Variants in TBC1D20 observed in about 807,000 individuals in gnomAD.
TBC1D20 encodes TBC1 domain family member 20.
A neutral mutation model predicts 41.6 loss-of-function variants in TBC1D20; 12 were observed. The ratio of observed to expected loss-of-function variants is 0.29; its 90% CI spans 0.18 to 0.47. The LOEUF (loss-of-function observed/expected upper bound fraction) is 0.47. Ranked by LOEUF, TBC1D20 falls within the 20% of genes least tolerant of loss-of-function variation. The pLI is 1.00. For synonymous variants in TBC1D20, 205 were observed against 204.8 expected (o/e 1.00, Z -0.01); for missense variants, 421 against 517.4 (o/e 0.81, Z 1.81).
At chr20:459,936 TG>T (rs1231719126) in intron 1 of TBC1D20, among the ~76,000 whole-genome samples, 1 of 152,206 alleles carries the variant, frequency 6.6e-6, no homozygotes, top group Non-Finnish European at 1.5e-5. Flanking sequence ...CAAAATCACC[TG>T]GATTAGGGCA....
rs1030896257 is a variant in TBC1D20 at position 435,628 on chromosome 20, T to C, written c.*2958A>G. The C allele has an allele frequency of 1.3e-5, 2 of 153,550 alleles. No individual in the cohort carries two copies. The highest frequency in any genetic ancestry group is 2.9e-5 in the Non-Finnish European group (2 of 68,080). The allele number at this position is 153,550 out of a possible 1,614,324, so 9.5% of individuals were successfully genotyped here. A position where few individuals can be genotyped will look rare whatever the true frequency, so the allele number is the denominator to read the frequency against. On this transcript the variant is annotated 3_prime_UTR_variant, in exon 8 of 8. Coordinates refer to ENST00000354200, the MANE Select transcript of TBC1D20 (RefSeq NM_144628.4). The stretch of plus-strand genomic sequence containing the variant: ...CATGGAGTGGGGGTGCGCCACCCTC[T>C]TGGCACATGGACAAGTTCTCGTTCC...
chr20:454,076 TA>T (rs1171085932), intron 1 of TBC1D20, among the ~76,000 whole-genome samples: 14 of 136,114 alleles, frequency 1.0e-4, no homozygotes, highest in Non-Finnish European at 2.1e-4. Flanking sequence ...CTGTCTTTAC[TA>T]AAAAAATACA....
intron 3 of TBC1D20, among the ~76,000 whole-genome samples, chr20:442,880 G>A (rs1221064470): frequency 2.6e-5 from 4 of 152,090 alleles, no homozygotes; most frequent in Non-Finnish European, 1.5e-5. Context: ...GGTGGATCAC[G>A]AGGTCAGGAG....
rs1051367940 is a variant in TBC1D20 at position 436,472 on chromosome 20, C to A, written c.*2114G>T. The A allele has an allele frequency of 1.3e-5, 2 of 153,188 alleles. No individual in the cohort carries two copies. Among genetic ancestry groups the A allele is most frequent in the African/African-American group, 4.8e-5 (2 of 41,448 alleles). The allele number at this position is 153,188 out of a possible 1,614,324, so 9.5% of individuals were successfully genotyped here. On this transcript the variant is annotated 3_prime_UTR_variant, in exon 8 of 8. Coordinates refer to ENST00000354200, the MANE Select transcript of TBC1D20 (RefSeq NM_144628.4). ...TCTCCTTCCGAGGCCACAACTCAAG[C>A]AAATGCCACTTGCTTCCTAGGATCT...
intron 1 of TBC1D20, among the ~76,000 whole-genome samples, chr20:452,335 AC>A (rs2017460769): frequency 6.6e-6 from 1 of 152,086 alleles, no homozygotes; most frequent in Admixed American, 6.5e-5. Flanking sequence ...AAAAAAGTGT[AC>A]AAGTTAAGGA....
At chr20:441,562 A>C in intron 5 of TBC1D20, 26 bp downstream of exon 5, 1 of 1,591,226 alleles carries the variant, frequency 6.3e-7, no homozygotes, top group Non-Finnish European at 8.6e-7. Flanking sequence ...GTATGCATGC[A>C]CACAGAAATG....
chr20:442,012 C>T lies in TBC1D20; in HGVS notation c.369G>A (p.Gln123=). 6.2e-7 allele frequency: 1 copy of T among 1,613,802 alleles called. No individual in the cohort carries two copies. The highest frequency in any genetic ancestry group is 1.1e-5 in the South Asian group (1 of 91,062). The change falls in exon 4 of 8, where the codon CAG becomes CAA. Residue 123 remains glutamine, a synonymous_variant. Coordinates refer to ENST00000354200, the MANE Select transcript of TBC1D20 (RefSeq NM_144628.4). ...GGAGGATGATGTCAATCAGTTCTTC[C>T]TGGAGCCCTTCTCTCTGTTCCTCTG... ...GMPEEQREGL[Q]EELIDIILLI...
In TBC1D20 at chr20:436,446, T is replaced by C. The variant is rs2017119567; in HGVS notation, c.*2140A>G. 1 of 152,728 alleles carries C rather than the reference T, an allele frequency of 6.5e-6. No individual in the cohort carries two copies. Among genetic ancestry groups the C allele is most frequent in the South Asian group, 2.1e-4 (1 of 4,830 alleles). The allele number at this position is 152,728 out of a possible 1,614,324, so 9.5% of individuals were successfully genotyped here. A position where few individuals can be genotyped will look rare whatever the true frequency, so the allele number is the denominator to read the frequency against. ...AGCAAAGTTAGAAAACAGATAAACA[T>C]TCTCCTTCCGAGGCCACAACTCAAG... On this transcript the variant is annotated 3_prime_UTR_variant, in exon 8 of 8. Coordinates refer to ENST00000354200, the MANE Select transcript of TBC1D20 (RefSeq NM_144628.4).
At chr20:446,445 A>ATTC (rs2017333544) in intron 2 of TBC1D20, among the ~76,000 whole-genome samples, 1 of 151,942 alleles carries the variant, frequency 6.6e-6, no homozygotes, top group African/African-American at 2.4e-5. Flanking sequence ...GGTTCAAGCG[A>ATTC]TTCTCCTGCC....
chr20:444,202 T>A (rs931045992), intron 3 of TBC1D20, among the ~76,000 whole-genome samples: 22 of 151,576 alleles, frequency 1.5e-4, no homozygotes, highest in Admixed American at 1.2e-3. Context: ...GAAAAGGGAA[T>A]GGACCGTGGG....
At chr20:449,770 C>T (rs1013731861) in intron 1 of TBC1D20, among the ~76,000 whole-genome samples, 8 of 152,300 alleles carry the variant, frequency 5.3e-5, no homozygotes, top group African/African-American at 1.9e-4. Context: ...TAGATACTTA[C>T]TAAATATTAG....
intron 1 of TBC1D20, among the ~76,000 whole-genome samples, chr20:460,758 T>C (rs2017616448): frequency 6.6e-6 from 1 of 152,220 alleles, no homozygotes; most frequent in Non-Finnish European, 1.5e-5. Context: ...AACAATACTC[T>C]GATATGATTA....
At chr20:451,384 T>TAA (rs2017439493) in intron 1 of TBC1D20, among the ~76,000 whole-genome samples, 1 of 151,834 alleles carries the variant, frequency 6.6e-6, no homozygotes, top group South Asian at 2.1e-4. Flanking sequence ...GTCTCTACTT[T>TAA]AAAAATACAA....
intron 1 of TBC1D20, among the ~76,000 whole-genome samples, chr20:453,537 A>T (rs1217357803): frequency 1.7e-5 from 2 of 116,108 alleles, no homozygotes; most frequent in East Asian, 4.3e-4. Context: ...CCTGTAATCC[A>T]GCATTTTTTT....
intron 3 of TBC1D20, among the ~76,000 whole-genome samples, chr20:442,245 G>C (rs933836151): frequency 2.6e-5 from 4 of 152,252 alleles, no homozygotes; most frequent in African/African-American, 9.6e-5. Context: ...GGAAGCTGCA[G>C]ATGCCACCCT....
chr20:454,800 T>A (rs950661734), intron 1 of TBC1D20, among the ~76,000 whole-genome samples: 1 of 152,092 alleles, frequency 6.6e-6, no homozygotes, highest in Non-Finnish European at 1.5e-5. Context: ...GCCTCCCAGG[T>A]AGCCAGGATT....
At chr20:457,549 C>T (rs769553961) in intron 1 of TBC1D20, among the ~76,000 whole-genome samples, 11 of 152,142 alleles carry the variant, frequency 7.2e-5, no homozygotes, top group Non-Finnish European at 1.5e-4. Flanking sequence ...AAAATTTTGC[C>T]ACAGGGAAGA....
At chr20:440,787 C>A (rs2017213661) in intron 5 of TBC1D20, 1 of 165,224 alleles carries the variant, frequency 6.1e-6, no homozygotes, top group South Asian at 1.6e-4. Flanking sequence ...CATGAGACAA[C>A]TGAAATATCT....
chr20:444,130 TAA>T (rs75236467), intron 3 of TBC1D20, among the ~76,000 whole-genome samples: 67 of 136,022 alleles, frequency 4.9e-4, no homozygotes, highest in Non-Finnish European at 5.4e-4. Flanking sequence ...ACTCTGTCTT[TAA>T]AAAAAAAAAA....
Sources: gnomAD v4.1 joint callset for allele counts (sites outside exome capture counted in the v4.1 genomes callset) on GRCh38, gnomAD v4.1.1 for gene constraint, MANE v1.5 for transcripts, NCBI Gene and HGNC (gene_info 2026-07-23, HGNC 2026-07-21) for gene names.